Variants in GNB5 observed in about 807,000 individuals in gnomAD.
GNB5 encodes the protein G protein subunit beta 5.
In GNB5, 37 loss-of-function variants were observed where a neutral mutation model predicts 55.3. The observed-to-expected ratio is 0.67, with a 90% confidence interval of 0.51 to 0.88. GNB5 has a LOEUF of 0.88. GNB5 is among the 40% of genes least tolerant of loss of function. The pLI, the probability that GNB5 is intolerant of heterozygous loss-of-function variation, is 0.00. For synonymous variants in GNB5, 219 were observed against 198.5 expected, an observed-to-expected ratio of 1.10 and a Z score of -0.87; for missense variants, 476 against 515.3, an observed-to-expected ratio of 0.92 and a Z score of 0.74.
At chr15:52,137,299 T>C in intron 7 of GNB5, 1 of 1,118,278 alleles carries the variant, frequency 8.9e-7, no homozygotes, top group Non-Finnish European at 1.1e-6. Flanking sequence ...GATCCAGGTG[T>C]GCACACAGGA....
At chr15:52,169,255 G>A (rs2034507558) in intron 3 of GNB5, among the ~76,000 whole-genome samples, 1 of 152,028 alleles carries the variant, frequency 6.6e-6, no homozygotes, top group South Asian at 2.1e-4. Flanking sequence ...AGGAGGCGGA[G>A]GCTGCAGTGA....
chr15:52,180,078 G>T lies in GNB5; in HGVS notation c.127-199C>A. On this transcript the variant is annotated intron_variant, in intron 2 of 12. Transcript: ENST00000261837. ...ACCTGGGCGCGCGCTCTGGCGCAGT[G>T]CCTGGTGCGATGTCCGCGTCAGCCT... 9.9e-6 allele frequency: 5 copies of T among 507,170 alleles called. 1 individual carries two copies. The highest frequency in any genetic ancestry group is 1.5e-5 in the Non-Finnish European group (5 of 343,908). The allele number at this position is 507,170 out of a possible 1,614,324, so 31.4% of individuals were successfully genotyped here.
intron 3 of GNB5, 86 bp downstream of exon 3, chr15:52,179,682 G>T: frequency 1.2e-6 from 1 of 832,738 alleles, no homozygotes; most frequent in South Asian, 3.1e-5. Flanking sequence ...TCGCAGCCAC[G>T]ACCGCCCCCA....
chr15:52,141,082 C>T (rs1410727481), intron 7 of GNB5, 58 bp downstream of exon 7: 12 of 1,537,730 alleles, frequency 7.8e-6, no homozygotes, highest in Non-Finnish European at 1.1e-5. Context: ...CCTCTCCTCT[C>T]AGCTCCTCTT....
intron 7 of GNB5, chr15:52,139,950 T>C (rs1160997367): frequency 7.8e-7 from 1 of 1,283,130 alleles, no homozygotes; most frequent in Non-Finnish European, 1.0e-6. Context: ...CTAAATGTCC[T>C]CTGTTGCTTT....
Position 52,118,263 on chromosome 15 carries a change from C to T in GNB5, c.*4494G>A, listed in dbSNP as rs1337698803. ...TGGAAAAGGGCTCATTAGCCCAGAT[C>T]AGCTGTTCTCAAAGCAAGATCCAGG... On this transcript the variant is annotated 3_prime_UTR_variant, in exon 13 of 13. Transcript: ENST00000261837. 6 of 152,200 alleles carry T rather than the reference C, an allele frequency of 3.9e-5. No individual in the cohort carries two copies. Among genetic ancestry groups the T allele is most frequent in the African/African-American group, 1.4e-4 (6 of 41,452 alleles). The allele number at this position is 152,200 out of a possible 1,614,324, so 9.4% of individuals were successfully genotyped here. A position where few individuals can be genotyped will look rare whatever the true frequency, so the allele number is the denominator to read the frequency against.
At chr15:52,167,543 C>T (rs1435694101) in intron 3 of GNB5, among the ~76,000 whole-genome samples, 10 of 151,860 alleles carry the variant, frequency 6.6e-5, no homozygotes, top group South Asian at 4.2e-4. Flanking sequence ...TGGTGGCAGG[C>T]GCCTGTAATC....
intron 9 of GNB5, among the ~76,000 whole-genome samples, chr15:52,130,280 C>T (rs1370857118): frequency 6.6e-6 from 1 of 152,212 alleles, no homozygotes; most frequent in Non-Finnish European, 1.5e-5. Context: ...AATGACAACG[C>T]TCAGTATAAC....
At chr15:52,141,611 G>GA (rs201670153) in intron 6 of GNB5, among the ~76,000 whole-genome samples, 2,551 of 145,612 alleles carry the variant, frequency 0.018, 75 homozygotes, top group African/African-American at 0.058. Context: ...CTGTAAAACT[G>GA]AAAAAAAAAA....
chr15:52,167,182 T>C (rs12916557), intron 3 of GNB5, among the ~76,000 whole-genome samples: 28,570 of 152,068 alleles, frequency 0.19, 2,877 homozygotes, highest in Admixed American at 0.3. Context: ...AAGGCAGTAA[T>C]AAATAGCCTA....
At chr15:52,171,303 T>C (rs1188557237) in intron 3 of GNB5, among the ~76,000 whole-genome samples, 1 of 152,036 alleles carries the variant, frequency 6.6e-6, no homozygotes, top group Admixed American at 6.6e-5. Context: ...AAAACTGGGC[T>C]CAAATCCTCT....
intron 9 of GNB5, 50 bp downstream of exon 9, chr15:52,133,318 TACCCAAGCCA>T (rs1489546124): frequency 2.5e-6 from 3 of 1,181,548 alleles, no homozygotes; most frequent in Non-Finnish European, 3.8e-6. Flanking sequence ...GGCTAAGGAT[TACCCAAGCCA>T]GGCAATGCCG....
At chr15:52,190,928 C>G (rs569853789) in intron 1 of GNB5, among the ~76,000 whole-genome samples, 2 of 151,668 alleles carry the variant, frequency 1.3e-5, no homozygotes, top group African/African-American at 4.9e-5. Context: ...ATAACTGATA[C>G]ACACAATGTG....
At chr15:52,178,614 A>G (rs2034698448) in intron 3 of GNB5, among the ~76,000 whole-genome samples, 1 of 151,872 alleles carries the variant, frequency 6.6e-6, no homozygotes, top group Admixed American at 6.6e-5. Flanking sequence ...GTAACTCTCA[A>G]TTTGCATAAC....
chr15:52,137,738 C>T (rs962557404), intron 7 of GNB5: 21 of 1,192,180 alleles, frequency 1.8e-5, no homozygotes, highest in Non-Finnish European at 1.8e-5. Flanking sequence ...ACTCAGGGTT[C>T]GGGGCCCTCA....
rs12050718 is a variant in GNB5 at position 52,164,123 on chromosome 15, G to A, written c.239-10047C>T. Among the ~76,000 whole-genome samples, 224 of 152,016 alleles carry A rather than the reference G, an allele frequency of 1.5e-3. 7 individuals carry two copies. In the East Asian group the frequency reaches 0.04, roughly 27 times the overall value. ...TCAAGACCAGCCTGACCAACATAGT[G>A]AGATACAAATATACAAAATACTAAA... On this transcript the variant is annotated intron_variant, in intron 3 of 12. Transcript: ENST00000261837.
intron 2 of GNB5, among the ~76,000 whole-genome samples, chr15:52,183,881 C>T (rs2034808544): frequency 6.6e-6 from 1 of 152,202 alleles, no homozygotes; most frequent in African/African-American, 2.4e-5. Flanking sequence ...ACAGCCACCT[C>T]TGGTGAGGAC....
intron 3 of GNB5, among the ~76,000 whole-genome samples, chr15:52,156,621 C>T (rs1425509045): frequency 3.3e-5 from 5 of 152,128 alleles, no homozygotes; most frequent in Non-Finnish European, 7.4e-5. Context: ...GTCCCAGTTA[C>T]TTGGGAGGCC....
At chr15:52,150,443 T>C (rs2034068651) in intron 4 of GNB5, among the ~76,000 whole-genome samples, 1 of 152,176 alleles carries the variant, frequency 6.6e-6, no homozygotes, top group Non-Finnish European at 1.5e-5. Context: ...TCCATTTCTC[T>C]GCCAGGGACA....
Sources: allele counts gnomAD v4.1 joint callset (sites outside exome capture counted in the v4.1 genomes callset), GRCh38; gene constraint gnomAD v4.1.1; transcripts MANE v1.5; gene names NCBI Gene and HGNC (gene_info 2026-07-23, HGNC 2026-07-21).